The following SOCS2 variants were observed in gnomAD, a reference collection of about 807,000 sequenced individuals.
SOCS2 encodes the protein CIS-2.
A neutral mutation model predicts 18.6 loss-of-function variants in SOCS2; 10 were observed. The observed-to-expected ratio is 0.54, with a 90% CI of 0.33 to 0.91. SOCS2 has a LOEUF of 0.91. Among genes scored for constraint, SOCS2 ranks in the 40% least tolerant of loss-of-function variants. SOCS2 has a pLI of 0.02. For missense variants in SOCS2, 231 were observed against 247.2 expected (o/e 0.93, Z 0.44); for synonymous variants, 104 against 104.0 (o/e 1.00, Z 0.00).
the SOCS2 span, among the ~76,000 whole-genome samples, chr12:93,592,803 G>C: frequency 1.3e-5 from 2 of 152,040 alleles, 1 homozygote; most frequent in Admixed American, 1.3e-4. Flanking sequence ...CAACAACTTC[G>C]TCCCAGCCTT....
At chr12:93,593,241 G>A in the SOCS2 span, among the ~76,000 whole-genome samples, 1 of 152,146 alleles carries the variant, frequency 6.6e-6, no homozygotes, top group Non-Finnish European at 1.5e-5. Context: ...TCTATATCTA[G>A]ATCCTGCCTC....
the SOCS2 span, among the ~76,000 whole-genome samples, chr12:93,610,192 C>T: frequency 1.5e-3 from 221 of 152,272 alleles, no homozygotes; most frequent in African/African-American, 5.1e-3. Flanking sequence ...TTACAACAGT[C>T]GTTCTCAGAC....
At chr12:93,596,671 T>C in the SOCS2 span, among the ~76,000 whole-genome samples, 1 of 152,254 alleles carries the variant, frequency 6.6e-6, no homozygotes, top group African/African-American at 2.4e-5. Context: ...CTACTAAAAA[T>C]ACAAAAATTA....
At chr12:93,590,241 A>G in the SOCS2 span, among the ~76,000 whole-genome samples, 2 of 152,106 alleles carry the variant, frequency 1.3e-5, no homozygotes, top group African/African-American at 4.8e-5. Context: ...TCTCAAAAAA[A>G]AAAAAGAATA....
At chr12:93,593,737 C>A in the SOCS2 span, among the ~76,000 whole-genome samples, 1 of 152,126 alleles carries the variant, frequency 6.6e-6, no homozygotes, top group Non-Finnish European at 1.5e-5. Context: ...GAAAACTCAT[C>A]TTAAATGAAG....
upstream of SOCS2, chr12:93,572,640 G>C: frequency 1.5e-6 from 1 of 673,752 alleles, no homozygotes; most frequent in Non-Finnish European, 2.7e-6. This position sits in a 1 kb window ranked among gnomAD's most constrained non-coding sequence, Gnocchi z 5.0. Flanking sequence ...CCCAGCCGCA[G>C]GGGTCCAGTT....
At chr12:93,584,919 T>C (rs1472745229), downstream of SOCS2, among the ~76,000 whole-genome samples, 1 of 152,090 alleles carries the variant, frequency 6.6e-6, no homozygotes, top group Non-Finnish European at 1.5e-5. Context: ...CCTGCCACCA[T>C]GCCCAACTAA....
At chr12:93,615,092 C>A in the SOCS2 span, among the ~76,000 whole-genome samples, 3 of 152,104 alleles carry the variant, frequency 2.0e-5, no homozygotes, top group Non-Finnish European at 4.4e-5. Context: ...TCTCCTCATG[C>A]CTTAACCCTC....
Position 93,572,761 on chromosome 12 carries a change from C to T in SOCS2, c.-137C>T, listed in dbSNP as rs1954301789. The T allele has an allele frequency of 4.5e-6, 5 of 1,121,070 alleles. No homozygotes were observed. Among genetic ancestry groups the T allele is most frequent in the East Asian group, 2.6e-5 (1 of 39,026 alleles). The allele number at this position is 1,121,070 out of a possible 1,614,324, so 69.4% of individuals were successfully genotyped here. A position where few individuals can be genotyped will look rare whatever the true frequency, so the allele number is the denominator to read the frequency against. On this transcript the variant is annotated 5_prime_UTR_variant, in exon 1 of 2. Coordinates refer to ENST00000551556, the MANE Select transcript of SOCS2 (RefSeq NM_001270471.2). The surrounding 1 kb of genome is among the most constrained non-coding windows in gnomAD (Gnocchi z 5.0). ...GATCTGGGGAGAAAGAGCCCCATCC[C>T]TTCTCTCTCTGCCACCATTTCGGAC...
the SOCS2 span, among the ~76,000 whole-genome samples, chr12:93,593,711 C>G: frequency 6.6e-6 from 1 of 152,090 alleles, no homozygotes; most frequent in African/African-American, 2.4e-5. Context: ...CTAGTAAGAC[C>G]AAGCCCACTC....
chr12:93,614,481 T>TCC, the SOCS2 span, among the ~76,000 whole-genome samples: 26 of 18,772 alleles, frequency 1.4e-3, no homozygotes, highest in South Asian at 4.5e-3. Flanking sequence ...CTTCCTTCCT[T>TCC]TCCTTCCTTC....
the SOCS2 span, among the ~76,000 whole-genome samples, chr12:93,618,493 C>G: frequency 2.0e-5 from 3 of 152,178 alleles, no homozygotes; most frequent in Admixed American, 6.5e-5. Context: ...CCCCACCTGC[C>G]TCTCTGACCA....
the SOCS2 span, among the ~76,000 whole-genome samples, chr12:93,614,613 TTCTTTC>T: frequency 8.0e-6 from 1 of 125,702 alleles, no homozygotes; most frequent in Non-Finnish European, 1.6e-5. Context: ...CTTTCTTTCT[TTCTTTC>T]TTTCTTTCTT....
downstream of SOCS2, among the ~76,000 whole-genome samples, chr12:93,579,356 C>T (rs1016608397): frequency 6.6e-6 from 1 of 152,224 alleles, no homozygotes; most frequent in Non-Finnish European, 1.5e-5. Flanking sequence ...ATGATTTGGA[C>T]TACCTTAAGA....
upstream of SOCS2, chr12:93,570,691 A>C (rs1207669978): frequency 6.6e-6 from 1 of 152,246 alleles, no homozygotes; most frequent in African/African-American, 2.4e-5. Flanking sequence ...CGGCCGCCGA[A>C]ACGGGGTTGG....
At chr12:93,618,048 C>T in the SOCS2 span, among the ~76,000 whole-genome samples, 1 of 152,168 alleles carries the variant, frequency 6.6e-6, no homozygotes, top group Non-Finnish European at 1.5e-5. Context: ...CACTAACCCC[C>T]TAGTGCTGAT....
At chr12:93,571,834 TC>T, upstream of SOCS2, 6 of 393,726 alleles carry the variant, frequency 1.5e-5, no homozygotes, top group Admixed American at 3.2e-5. Flanking sequence ...CCTCCCCTTT[TC>T]CCCCCACCCC....
chr12:93,599,009 A>C, the SOCS2 span, among the ~76,000 whole-genome samples: 1 of 152,214 alleles, frequency 6.6e-6, no homozygotes, highest in Non-Finnish European at 1.5e-5. Context: ...GTTAGTGTTA[A>C]GCTTTTAACC....
the SOCS2 span, among the ~76,000 whole-genome samples, chr12:93,599,654 A>G: frequency 2.6e-5 from 4 of 152,196 alleles, no homozygotes; most frequent in African/African-American, 4.8e-5. Flanking sequence ...TTAATAGATG[A>G]TTAGGTCATG....
Sources: allele counts gnomAD v4.1 joint callset (sites outside exome capture counted in the v4.1 genomes callset), GRCh38; gene constraint gnomAD v4.1.1; non-coding constraint Gnocchi (gnomAD v3.1); transcripts MANE v1.5; gene names NCBI Gene and HGNC (gene_info 2026-07-23, HGNC 2026-07-21).